CDH11: variants seen among roughly 807,000 people sequenced by gnomAD.
The protein encoded by CDH11 is cadherin 11.
In CDH11, 11 loss-of-function variants were observed where a neutral mutation model predicts 67.8. The observed-to-expected ratio is 0.16, with a 90% CI of 0.10 to 0.27. CDH11 has a LOEUF of 0.27. CDH11 is among the 10% of genes least tolerant of loss of function. The pLI is 1.00. For missense variants in CDH11, 847 were observed against 1,031.2 expected (o/e 0.82, Z 2.45); for synonymous variants, 419 against 400.0 (o/e 1.05, Z -0.57).
intron 11 of CDH11, 109 bp from the exon 12 acceptor site, chr16:64,951,127 C>G (rs1355417070): frequency 1.8e-6 from 2 of 1,104,840 alleles, no homozygotes; most frequent in East Asian, 5.0e-5. Flanking sequence ...AGGTTAACCG[C>G]CAGAATCGTT....
chr16:64,944,449 C>T lies in CDH11; in HGVS notation c.*3154G>A, dbSNP rs940719879. 4.7e-5 allele frequency: 11 copies of T among 232,852 alleles called. No homozygotes were observed. The highest frequency in any genetic ancestry group is 8.5e-5 in the Non-Finnish European group (10 of 117,902). 14.4% of individuals were successfully genotyped at this position (232,852 alleles called of 1,614,324 possible). A position where few individuals can be genotyped will look rare whatever the true frequency, so the allele number is the denominator to read the frequency against. On this transcript the variant is annotated 3_prime_UTR_variant, in exon 13 of 13. Coordinates refer to ENST00000268603, the MANE Select transcript of CDH11 (RefSeq NM_001797.4). The stretch of plus-strand genomic sequence containing the variant: ...GGCACACCTCTGGGTTTATATGCTC[C>T]TAATCTGTCCTCCACACTGCCTGCC...
chr16:64,948,829 C>T lies in CDH11; in HGVS notation c.1895-730G>A, dbSNP rs770160265. The T allele has an allele frequency of 2.2e-6, 3 of 1,383,116 alleles. No homozygotes were observed. The African/African-American group carries it at 4.3e-5, about 20-fold the overall frequency. 85.7% of individuals were successfully genotyped at this position (1,383,116 alleles called of 1,614,324 possible). On this transcript the variant is annotated intron_variant, in intron 12 of 12. Coordinates refer to ENST00000268603, the MANE Select transcript of CDH11 (RefSeq NM_001797.4). ...GAGTCATTTATAAGGAAAGTTCAGGCACAGTTTAATTCTTCATTGATTCCC... is the reference window on the plus strand; with the variant it reads ...GAGTCATTTATAAGGAAAGTTCAGGTACAGTTTAATTCTTCATTGATTCCC...
intron 1 of CDH11, among the ~76,000 whole-genome samples, chr16:65,089,507 C>T (rs2142826254): frequency 6.6e-6 from 1 of 152,190 alleles, no homozygotes; most frequent in East Asian, 1.9e-4. Flanking sequence ...GTGTGACTTA[C>T]TCTCATGACT....
rs148420075 is a variant in CDH11 at position 64,952,438 on chromosome 16, A to G, written c.1643-1420T>C. ...TAAATATTTGTTGAACAAATGGCAT[A>G]ACTGTGTTCTGGGAAGGATTTAACC... On this transcript the variant is annotated intron_variant, in intron 11 of 12. Transcript: ENST00000268603. Among the ~76,000 whole-genome samples, 1,272 of 152,320 alleles carry G rather than the reference A, an allele frequency of 8.4e-3. 6 individuals are homozygous for G. The highest frequency in any genetic ancestry group is 0.013 in the Non-Finnish European group (880 of 68,024).
intron 2 of CDH11, among the ~76,000 whole-genome samples, chr16:65,013,220 G>A (rs773973229): frequency 3.9e-5 from 6 of 152,264 alleles, no homozygotes; most frequent in Middle Eastern, 3.4e-3. Context: ...CATGGGAATC[G>A]TGCCTTCTGG....
intron 1 of CDH11, among the ~76,000 whole-genome samples, chr16:65,100,180 A>G (rs756863070): frequency 1.1e-4 from 16 of 152,164 alleles, no homozygotes; most frequent in Non-Finnish European, 4.4e-5. Flanking sequence ...TGTTGACATC[A>G]CAGAAATATA....
At chr16:65,019,684 C>G (rs994346622) in intron 2 of CDH11, among the ~76,000 whole-genome samples, 1 of 152,102 alleles carries the variant, frequency 6.6e-6, no homozygotes, top group African/African-American at 2.4e-5. Flanking sequence ...CCTCATTATT[C>G]TGACATATGG....
chr16:64,962,983 A>G (rs989430966), intron 11 of CDH11, among the ~76,000 whole-genome samples: 45 of 152,158 alleles, frequency 3.0e-4, no homozygotes, highest in African/African-American at 1.1e-3. Context: ...TACTATCCAC[A>G]TTGTTAAAGG....
At chr16:64,959,944 C>G (rs545097620) in intron 11 of CDH11, among the ~76,000 whole-genome samples, 1 of 152,162 alleles carries the variant, frequency 6.6e-6, no homozygotes, top group East Asian at 1.9e-4. Flanking sequence ...TTGCTTTCCA[C>G]GCAAACATTT....
chr16:65,086,130 C>A (rs529208132), intron 1 of CDH11, among the ~76,000 whole-genome samples: 1 of 152,190 alleles, frequency 6.6e-6, no homozygotes, highest in Non-Finnish European at 1.5e-5. Flanking sequence ...TCAAAAATAT[C>A]TTCTGGAGCT....
chr16:65,041,843 C>T (rs1021891906), intron 2 of CDH11, among the ~76,000 whole-genome samples: 7 of 152,194 alleles, frequency 4.6e-5, no homozygotes, highest in African/African-American at 1.4e-4. Context: ...AAGGCCCATG[C>T]TAATGCACGG....
intron 4 of CDH11, among the ~76,000 whole-genome samples, chr16:64,996,833 T>A (rs536421225): frequency 3.3e-5 from 5 of 152,170 alleles, no homozygotes; most frequent in African/African-American, 1.2e-4. Flanking sequence ...ACTGGAGGTA[T>A]AAATGAACCC....
intron 7 of CDH11, among the ~76,000 whole-genome samples, chr16:64,983,978 A>G (rs1189288415): frequency 6.6e-6 from 1 of 152,122 alleles, no homozygotes; most frequent in Non-Finnish European, 1.5e-5. Context: ...ACCTGGAGCT[A>G]TTTTCCCACT....
chr16:65,107,671 T>G (rs1202475423), intron 1 of CDH11, among the ~76,000 whole-genome samples: 1 of 152,240 alleles, frequency 6.6e-6, no homozygotes, highest in East Asian at 1.9e-4. Context: ...GATGTCTCAC[T>G]ATCACCCTCT....
At chr16:65,108,684 T>TAAA (rs56412091) in intron 1 of CDH11, among the ~76,000 whole-genome samples, 2 of 150,356 alleles carry the variant, frequency 1.3e-5, no homozygotes, top group African/African-American at 4.9e-5. Context: ...AATCAATATT[T>TAAA]AAAAAAAAAA....
chr16:65,058,767 T>C (rs1432467014), intron 1 of CDH11, among the ~76,000 whole-genome samples: 1 of 152,148 alleles, frequency 6.6e-6, no homozygotes, highest in Non-Finnish European at 1.5e-5. Context: ...TAGTTTGAGT[T>C]GGGGCAAGCA....
chr16:64,951,065 G>A (rs1213552312), intron 11 of CDH11, 47 bp from the exon 12 acceptor site: 1 of 1,581,036 alleles, frequency 6.3e-7, no homozygotes, highest in South Asian at 1.1e-5. Context: ...AAGACCATTG[G>A]AATCACAGCG....
Position 64,947,122 on chromosome 16 carries a change from T to G in CDH11, c.*481A>C. 1 of 1,039,246 alleles carries G rather than the reference T, an allele frequency of 9.6e-7. No homozygotes were observed. Among genetic ancestry groups the G allele is most frequent in the Non-Finnish European group, 1.2e-6 (1 of 861,026 alleles). 64.4% of individuals were successfully genotyped at this position (1,039,246 alleles called of 1,614,324 possible). ...TGTACATTGTATTGTACATACATTGTATGGGTTTAAGCTGGCTGAATATTA... is the reference window on the plus strand; with the variant it reads ...TGTACATTGTATTGTACATACATTGGATGGGTTTAAGCTGGCTGAATATTA... On this transcript the variant is annotated 3_prime_UTR_variant, in exon 13 of 13. Transcript: ENST00000268603.
intron 2 of CDH11, among the ~76,000 whole-genome samples, chr16:65,046,832 G>C (rs2073969060): frequency 6.6e-6 from 1 of 152,168 alleles, no homozygotes; most frequent in South Asian, 2.1e-4. Context: ...AGGTGGCTGG[G>C]CGCGGTGACT....
Sources: gnomAD v4.1 joint callset for allele counts (sites outside exome capture counted in the v4.1 genomes callset) on GRCh38, gnomAD v4.1.1 for gene constraint, MANE v1.5 for transcripts, NCBI Gene and HGNC (gene_info 2026-07-23, HGNC 2026-07-21) for gene names.